Variants in OPHN1 observed in about 807,000 individuals in gnomAD.
OPHN1 encodes oligophrenin 1.
OPHN1 carries 11 observed loss-of-function variants against 60.7 expected under a neutral mutation model. That is an observed-to-expected ratio of 0.18 (90% confidence interval 0.11 to 0.30). OPHN1 has a LOEUF of 0.30. OPHN1 is among the 10% of genes least tolerant of loss of function. The pLI is 1.00. For missense variants in OPHN1, 449 were observed against 611.0 expected, an observed-to-expected ratio of 0.73 and a Z score of 2.80; for synonymous variants, 226 against 222.6, an observed-to-expected ratio of 1.02 and a Z score of -0.14.
At chrX:68,135,010 A>G (rs2077213451) in intron 15 of OPHN1, among the ~76,000 whole-genome samples, 1 of 111,361 alleles carries the variant, frequency 9.0e-6, no homozygotes, top group Non-Finnish European at 1.9e-5. Flanking sequence ...GAAAAGTTCT[A>G]TTTATATTCT....
intron 2 of OPHN1, among the ~76,000 whole-genome samples, chrX:68,325,487 C>T (rs2078256308): frequency 9.9e-6 from 1 of 101,370 alleles, no homozygotes; most frequent in African/African-American, 3.5e-5. Flanking sequence ...ATTAATTGGC[C>T]ATCTATATAC....
chrX:68,354,685 G>A (rs2078431445), intron 2 of OPHN1, among the ~76,000 whole-genome samples: 1 of 105,984 alleles, frequency 9.4e-6, no homozygotes, highest in African/African-American at 3.5e-5. Context: ...AACCCAGGAG[G>A]CGGAGGTTGC....
Position 68,213,747 on chromosome X carries a change from T to A in OPHN1, c.597+115A>T. 4 of 527,991 alleles carry A rather than the reference T, an allele frequency of 7.6e-6. No homozygotes were observed. In the South Asian group the frequency reaches 1.1e-4, roughly 14 times the overall value. The allele number at this position is 527,991 out of a possible 1,213,427, so 43.5% of individuals were successfully genotyped here. On this transcript the variant is annotated intron_variant, in intron 7 of 24. Coordinates refer to ENST00000355520, the MANE Select transcript of OPHN1 (RefSeq NM_002547.3). ...CGTAAGTTAGACTACGTTCTAGACA[T>A]TTCCACTGATTATCCTTCACGTTCT...
chrX:68,384,009 A>G (rs148394165), intron 2 of OPHN1, among the ~76,000 whole-genome samples: 119 of 111,666 alleles, frequency 1.1e-3, no homozygotes, highest in African/African-American at 3.5e-3. Flanking sequence ...AGAAACGTAT[A>G]TGGGGGAGGG....
intron 2 of OPHN1, among the ~76,000 whole-genome samples, chrX:68,324,626 A>G (rs1270748727): frequency 9.2e-6 from 1 of 108,480 alleles, no homozygotes; most frequent in African/African-American, 3.4e-5. Context: ...AAAAAAAAAA[A>G]AATCTAAAAA....
chrX:68,382,560 T>A (rs1219986590), intron 2 of OPHN1, among the ~76,000 whole-genome samples: 4 of 110,750 alleles, frequency 3.6e-5, no homozygotes, highest in African/African-American at 1.3e-4. Context: ...AGGCAAGTAC[T>A]CAGCCTAATG....
At chrX:68,389,502 G>A (rs892840260) in intron 2 of OPHN1, among the ~76,000 whole-genome samples, 1 of 107,746 alleles carries the variant, frequency 9.3e-6, no homozygotes, top group African/African-American at 3.4e-5. Context: ...AAAAGGCAGA[G>A]CTTGCAGTGA....
chrX:68,078,826 T>C (rs1190538550), intron 19 of OPHN1, among the ~76,000 whole-genome samples: 1 of 109,225 alleles, frequency 9.2e-6, no homozygotes, highest in Non-Finnish European at 1.9e-5. Context: ...GCTCTATTAA[T>C]AGTACAAAAA....
At chrX:68,274,214 T>C (rs2077982376) in intron 5 of OPHN1, among the ~76,000 whole-genome samples, 2 of 112,081 alleles carry the variant, frequency 1.8e-5, no homozygotes, top group Admixed American at 1.9e-4. Context: ...TATATAACTT[T>C]GGTCATGTTA....
intron 6 of OPHN1, among the ~76,000 whole-genome samples, chrX:68,218,513 T>A (rs1401604925): frequency 9.1e-6 from 1 of 109,648 alleles, no homozygotes; most frequent in African/African-American, 3.3e-5. Flanking sequence ...GAAAAAATGT[T>A]AAGGGCAACC....
intron 21 of OPHN1, among the ~76,000 whole-genome samples, chrX:68,054,793 A>C (rs1334294991): frequency 9.0e-6 from 1 of 111,474 alleles, no homozygotes. Flanking sequence ...AGTCCACAGA[A>C]AGTGCTCATG....
intron 2 of OPHN1, among the ~76,000 whole-genome samples, chrX:68,328,199 G>T (rs1248405499): frequency 2.9e-5 from 3 of 103,135 alleles, no homozygotes; most frequent in Admixed American, 1.1e-4. Flanking sequence ...CGCGATCTCG[G>T]CTCACTGCAA....
At chrX:68,122,396 C>A (rs1291420565) in intron 15 of OPHN1, among the ~76,000 whole-genome samples, 1 of 111,150 alleles carries the variant, frequency 9.0e-6, no homozygotes, top group Non-Finnish European at 1.9e-5. Flanking sequence ...CAAGCCCAGA[C>A]TAAAAAGACT....
In OPHN1 at chrX:68,194,496, G is replaced by C. The variant is rs780360491; in HGVS notation, c.1107C>G (p.Ile369Met). The C allele has an allele frequency of 1.7e-6, 2 of 1,203,601 alleles. No homozygotes were observed. The highest frequency in any genetic ancestry group is 4.3e-5 in the Admixed American group (2 of 45,992). ...GCTGTTTTGTTATAGGGCTGTGGTA[G>C]ATCTACAAAAGAAGATAAACAGAAA... is the stretch of plus-strand genomic sequence containing the variant. ...WMEAMDGKEP[I>M]YHSPITKQQE... is the part of the protein sequence containing the mutation. Residue 369 changes from isoleucine to methionine, a missense_variant and splice_region_variant, in exon 13 of 25, where the codon ATC (isoleucine) becomes ATG (methionine). Physicochemically the swap from Ile to Met is conservative, Grantham distance 10 (BLOSUM62 1). This residue lies in a region of OPHN1 where 166 missense variants were observed against 278.4 expected (regional missense o/e 0.60). Transcript: ENST00000355520.
chrX:68,377,429 T>A (rs6625304), intron 2 of OPHN1, among the ~76,000 whole-genome samples: 32,401 of 105,791 alleles, frequency 0.31, 7,530 homozygotes, highest in African/African-American at 0.8. Context: ...TTTTTTATTT[T>A]TTATTATTAT....
intron 21 of OPHN1, among the ~76,000 whole-genome samples, chrX:68,059,311 T>C (rs763819572): frequency 9.0e-6 from 1 of 111,366 alleles, no homozygotes. Flanking sequence ...GTATTCAACC[T>C]TAGCAACTTT....
chrX:68,211,742 G>A (rs1348374660), intron 8 of OPHN1, among the ~76,000 whole-genome samples: 4 of 112,314 alleles, frequency 3.6e-5, no homozygotes, highest in Non-Finnish European at 7.5e-5. Context: ...TGGTAATAAA[G>A]TCTACAGTGA....
intron 19 of OPHN1, among the ~76,000 whole-genome samples, chrX:68,079,024 T>A (rs1011875176): frequency 2.8e-5 from 3 of 108,419 alleles, no homozygotes; most frequent in Non-Finnish European, 5.8e-5. Flanking sequence ...AATAAATAAA[T>A]AAAGTAAACA....
At chrX:68,380,883 C>T (rs754389227) in intron 2 of OPHN1, among the ~76,000 whole-genome samples, 21 of 111,734 alleles carry the variant, frequency 1.9e-4, no homozygotes, top group Non-Finnish European at 3.6e-4. Flanking sequence ...ATCTTGATAA[C>T]ACTTGTTGGT....
Sources: gnomAD v4.1 joint callset for allele counts (sites outside exome capture counted in the v4.1 genomes callset) on GRCh38, gnomAD v4.1.1 for gene constraint, gnomAD v4.1.1 regional missense constraint, MANE v1.5 for transcripts, NCBI Gene and HGNC (gene_info 2026-07-23, HGNC 2026-07-21) for gene names.